Variants in DNAH17 observed in about 807,000 individuals in gnomAD.
The protein encoded by DNAH17 is axonemal beta dynein heavy chain 17.
A neutral mutation model predicts 485.6 loss-of-function variants in DNAH17; 376 were observed. That is an observed-to-expected ratio of 0.77 (90% confidence interval 0.71 to 0.84). The LOEUF (loss-of-function observed/expected upper bound fraction) is 0.84, where lower values mean the gene tolerates loss of function less well. DNAH17 is among the 40% of genes least tolerant of loss of function. DNAH17 has a pLI of 0.00. For synonymous variants in DNAH17, 3,031 were observed against 2,405.9 expected, an observed-to-expected ratio of 1.26 and a Z score of -7.60; for missense variants, 6,370 against 5,839.3, an observed-to-expected ratio of 1.09 and a Z score of -2.96.
At chr17:78,467,453 C>A (rs1377643802) in intron 55 of DNAH17, among the ~76,000 whole-genome samples, 4 of 152,232 alleles carry the variant, frequency 2.6e-5, no homozygotes, top group African/African-American at 9.6e-5. Flanking sequence ...AGAGCCGGCA[C>A]TGGCAGGGCA....
At chr17:78,435,849 A>G (rs969093330) in intron 74 of DNAH17, among the ~76,000 whole-genome samples, 6 of 152,310 alleles carry the variant, frequency 3.9e-5, no homozygotes, top group African/African-American at 1.4e-4. Context: ...TCCAGAACGT[A>G]TCCTCGCGCC....
chr17:78,537,004 T>C (rs1175083073), intron 19 of DNAH17, among the ~76,000 whole-genome samples: 1 of 150,826 alleles, frequency 6.6e-6, no homozygotes, highest in African/African-American at 2.4e-5. Context: ...TTAAACCCAG[T>C]CTCTACTAAA....
intron 69 of DNAH17, among the ~76,000 whole-genome samples, chr17:78,447,539 T>C (rs770478939): frequency 2.3e-4 from 35 of 152,220 alleles, no homozygotes; most frequent in Non-Finnish European, 4.3e-4. Context: ...AAACGGTCTG[T>C]TTTTCAGATC....
At position 78,561,564 on chromosome 17, in the gene DNAH17, G is replaced by A. The variant is rs1269709395; in HGVS notation, c.1835+151C>T. On this transcript the variant is annotated intron_variant, in intron 12 of 80. Transcript: ENST00000389840. ...AAGAAGGTGATCAGGGGAGGAGGGA[G>A]GACCAGAAGGGGTCTCTTCTGGGCT... 3.2e-6 allele frequency: 3 copies of A among 926,072 alleles called. No individual in the cohort carries two copies. The African/African-American group carries it at 5.0e-5, about 15-fold the overall frequency. 57.4% of individuals were successfully genotyped at this position (926,072 alleles called of 1,614,324 possible).
At position 78,541,216 on chromosome 17, in the gene DNAH17, T is replaced by TGAGCGGGGTA. The variant is rs1568224152; in HGVS notation, c.2533-1337_2533-1336insTACCCCGCTC. ...GTGGGGGGGTGAGCGGATGGGTGGG[T>TGAGCGGGGTA]GGGGGGGTGAGCGGATGGGTGGGTG... is the stretch of plus-strand genomic sequence containing the variant. On this transcript the variant is annotated intron_variant, in intron 17 of 80. Transcript: ENST00000389840. Among the ~76,000 whole-genome samples, 12 of 4,754 alleles carry TGAGCGGGGTA rather than the reference T, an allele frequency of 2.5e-3. 1 individual carries two copies. The highest frequency in any genetic ancestry group is 2.2e-3 in the Non-Finnish European group (7 of 3,132). 3.1% of individuals were successfully genotyped at this position (4,754 alleles called of 152,430 possible).
intron 38 of DNAH17, among the ~76,000 whole-genome samples, 193 bp from the exon 39 acceptor site, chr17:78,495,290 C>G (rs905140204): frequency 3.9e-5 from 6 of 152,220 alleles, no homozygotes; most frequent in Admixed American, 1.3e-4. Context: ...ACATCATCCA[C>G]TGGGTGCACC....
intron 71 of DNAH17, among the ~76,000 whole-genome samples, chr17:78,442,394 G>C (rs1312438294): frequency 3.3e-5 from 5 of 152,208 alleles, no homozygotes; most frequent in Non-Finnish European, 7.3e-5. Flanking sequence ...TCCTGAACTG[G>C]GGCCAGCCTC....
intron 75 of DNAH17, among the ~76,000 whole-genome samples, chr17:78,430,246 A>G (rs2086626333): frequency 6.6e-6 from 1 of 152,194 alleles, no homozygotes; most frequent in Non-Finnish European, 1.5e-5. Context: ...GATTGAGGCC[A>G]CATGTGTCAT....
At chr17:78,548,207 T>TTTTTTTC (rs2091818156) in intron 16 of DNAH17, among the ~76,000 whole-genome samples, 2 of 128,360 alleles carry the variant, frequency 1.6e-5, no homozygotes, top group South Asian at 5.4e-4. Context: ...ATGGCCTTTT[T>TTTTTTTC]TTTTTTTTTT....
In DNAH17 at chr17:78,446,208, G is replaced by A. The variant is rs140918068; in HGVS notation, c.11212-528C>T. Among the ~76,000 whole-genome samples, 7 of 129,182 alleles carry A rather than the reference G, an allele frequency of 5.4e-5. No individual in the cohort carries two copies. In the East Asian group the frequency reaches 1.5e-3, roughly 27 times the overall value. The allele number at this position is 129,182 out of a possible 152,430, so 84.7% of individuals were successfully genotyped here. A position where few individuals can be genotyped will look rare whatever the true frequency, so the allele number is the denominator to read the frequency against. ...AAAAAAAAAAAAAAAATTGACAATTGTAACCATATTTTAGTGTGCAATTCA... is the reference window on the plus strand; with the variant it reads ...AAAAAAAAAAAAAAAATTGACAATTATAACCATATTTTAGTGTGCAATTCA... On this transcript the variant is annotated intron_variant, in intron 69 of 80. Coordinates refer to ENST00000389840, the MANE Select transcript of DNAH17 (RefSeq NM_173628.4).
chr17:78,493,540 C>T (rs191052000), intron 41 of DNAH17, among the ~76,000 whole-genome samples: 5 of 152,378 alleles, frequency 3.3e-5, no homozygotes, highest in Admixed American at 3.3e-4. Context: ...TAAAACATCA[C>T]TTCTGGTGAG....
chr17:78,483,090 C>G (rs1182487465), intron 48 of DNAH17, among the ~76,000 whole-genome samples: 2 of 152,006 alleles, frequency 1.3e-5, no homozygotes, highest in East Asian at 1.9e-4. Context: ...GTCCTCCTCT[C>G]CTGTCTGGGT....
At chr17:78,552,011 G>A (rs2091913348) in intron 15 of DNAH17, among the ~76,000 whole-genome samples, 1 of 151,766 alleles carries the variant, frequency 6.6e-6, no homozygotes. Context: ...TTCTTGGGTT[G>A]GCTTAACACT....
intron 74 of DNAH17, among the ~76,000 whole-genome samples, chr17:78,436,843 TCCAAACAA>T (rs1040676759): frequency 1.8e-4 from 13 of 73,852 alleles, no homozygotes; most frequent in African/African-American, 4.8e-4. Flanking sequence ...AGACTCCATC[TCCAAACAA>T]ACAAACAAAC....
Position 78,459,924 on chromosome 17 carries a change from C to G in DNAH17, c.9513G>C (p.Leu3171=), listed in dbSNP as rs754158388. The G allele has an allele frequency of 6.2e-7, 1 of 1,614,010 alleles. No individual in the cohort carries two copies. The highest frequency in any genetic ancestry group is 8.5e-7 in the Non-Finnish European group (1 of 1,179,898). Residue 3171 remains leucine (L), a synonymous_variant, in exon 60 of 81, where the codon CTG becomes CTC. Coordinates refer to ENST00000389840, the MANE Select transcript of DNAH17 (RefSeq NM_173628.4). ...TGGGGATCTTGCCCCCAGGTGCGGT[C>G]AGAATCATGACGGCGGCGGTGACGT... is the stretch of plus-strand genomic sequence containing the variant. ...VVNVTAAVMI[L]TAPGGKIPKD...
At chr17:78,447,051 A>G (rs1598463192) in intron 69 of DNAH17, among the ~76,000 whole-genome samples, 1 of 151,982 alleles carries the variant, frequency 6.6e-6, no homozygotes, top group South Asian at 2.1e-4. Flanking sequence ...TGACCCGCCT[A>G]TCTCAGCCTC....
At chr17:78,553,634 GTTT>G (rs2091958991) in intron 14 of DNAH17, among the ~76,000 whole-genome samples, 1 of 152,030 alleles carries the variant, frequency 6.6e-6, no homozygotes, top group Non-Finnish European at 1.5e-5. Context: ...AATGATGATT[GTTT>G]TTTATTTGGA....
chr17:78,555,523 A>C (rs1333680359), intron 14 of DNAH17, among the ~76,000 whole-genome samples: 1 of 123,408 alleles, frequency 8.1e-6, no homozygotes, highest in Non-Finnish European at 1.6e-5. Context: ...GCTGCCGGGG[A>C]GAGGAGCAAG....
chr17:78,547,556 CTTTAA>C (rs979392674), intron 16 of DNAH17, among the ~76,000 whole-genome samples: 2 of 151,938 alleles, frequency 1.3e-5, no homozygotes, highest in Non-Finnish European at 2.9e-5. Flanking sequence ...TCAGGCCTTC[CTTTAA>C]TTTTTGTCTC....
Sources: gnomAD v4.1 joint callset for allele counts (sites outside exome capture counted in the v4.1 genomes callset) on GRCh38, gnomAD v4.1.1 for gene constraint, MANE v1.5 for transcripts, NCBI Gene and HGNC (gene_info 2026-07-23, HGNC 2026-07-21) for gene names.